SMG1: variants seen among roughly 807,000 people sequenced by gnomAD.
The protein encoded by SMG1 is SMG1 nonsense mediated mRNA decay associated PI3K related kinase.
A neutral mutation model predicts 419.9 loss-of-function variants in SMG1; 22 were observed. The observed-to-expected ratio is 0.05, with a 90% CI of 0.04 to 0.07. The LOEUF (loss-of-function observed/expected upper bound fraction) is 0.07. Ranked by LOEUF, SMG1 falls within the 10% of genes least tolerant of loss-of-function variation. The pLI, the probability that SMG1 is intolerant of heterozygous loss-of-function variation, is 1.00. For synonymous variants in SMG1, 1,538 were observed against 1,553.5 expected, an observed-to-expected ratio of 0.99 and a Z score of 0.23; for missense variants, 3,185 against 4,342.0, an observed-to-expected ratio of 0.73 and a Z score of 7.49.
Position 18,879,544 on chromosome 16 carries a change from T to G in SMG1, c.1469A>C (p.Gln490Pro), listed in dbSNP as rs1364632166. The G allele has an allele frequency of 4.1e-6, 5 of 1,206,966 alleles. No individual in the cohort carries two copies. The South Asian group carries it at 6.5e-5, about 16-fold the overall frequency. The allele number at this position is 1,206,966 out of a possible 1,614,324, so 74.8% of individuals were successfully genotyped here. ...GATGATATAATCGGTACCACAAGTCTGGCAATTCTCCAGTTGGTCTAATCC... is the reference window on the plus strand; with the variant it reads ...GATGATATAATCGGTACCACAAGTCGGGCAATTCTCCAGTTGGTCTAATCC... Reference protein sequence around the residue: ...TYGLDQLENCQTCGTDYIISV... With the variant: ...TYGLDQLENCPTCGTDYIISV... The change falls in exon 11 of 63, where the codon CAG (glutamine) becomes CCG (proline). Residue 490 changes from glutamine to proline, a missense_variant. Gln to Pro is a moderately conservative substitution (Grantham distance 76). This residue lies in a region of SMG1 where 297 missense variants were observed against 491.0 expected (regional missense o/e 0.60). Transcript: ENST00000446231.
chr16:18,838,676 G>T lies in SMG1; in HGVS notation c.6959C>A (p.Ser2320Tyr). The T allele has an allele frequency of 6.2e-7, 1 of 1,602,302 alleles. No homozygotes were observed. Among genetic ancestry groups the T allele is most frequent in the Non-Finnish European group, 8.5e-7 (1 of 1,174,758 alleles). Residue 2320 changes from serine (S) to tyrosine (Y), a missense_variant, in exon 43 of 63, where the codon TCT becomes TAT. Ser to Tyr is a moderately radical substitution (Grantham distance 144). Around this residue, in one of 27 missense-constraint regions of SMG1, gnomAD observed 132 missense variants for 151.0 expected, o/e 0.87. Coordinates refer to ENST00000446231, the MANE Select transcript of SMG1 (RefSeq NM_015092.5). ...WWRVTQSYAR[S>Y]TAVMSMVGYI... ...TCCAACCATAGACATGACTGCAGTA[G>T]ATCTTGCATAAGACTAAAGGAAAGG...
At chr16:18,918,660 T>G (rs2038070602) in intron 1 of SMG1, among the ~76,000 whole-genome samples, 1 of 152,162 alleles carries the variant, frequency 6.6e-6, no homozygotes, top group Non-Finnish European at 1.5e-5. Context: ...GCGATTCTCC[T>G]GCCTCAGCCT....
chr16:18,804,865 T>G lies in SMG1; in HGVS notation c.*4704A>C, dbSNP rs1451509655. 2 of 152,690 alleles carry G rather than the reference T, an allele frequency of 1.3e-5. No individual in the cohort carries two copies. Among genetic ancestry groups the G allele is most frequent in the African/African-American group, 4.8e-5 (2 of 41,472 alleles). The allele number at this position is 152,690 out of a possible 1,614,324, so 9.5% of individuals were successfully genotyped here. A position where few individuals can be genotyped will look rare whatever the true frequency, so the allele number is the denominator to read the frequency against. ...TTCAGAACTTAAATGCTGTATCTTT[T>G]GAGACTGAACCTTTATTTTCTGAAA... is the stretch of plus-strand genomic sequence containing the variant. On this transcript the variant is annotated 3_prime_UTR_variant, in exon 63 of 63. Coordinates refer to ENST00000446231, the MANE Select transcript of SMG1 (RefSeq NM_015092.5).
Position 18,819,580 on chromosome 16 carries a change from G to T in SMG1, c.9816C>A (p.Ala3272=). 6.3e-7 allele frequency: 1 copy of T among 1,599,062 alleles called. No individual in the cohort carries two copies. The highest frequency in any genetic ancestry group is 8.5e-7 in the Non-Finnish European group (1 of 1,172,294). ...TTGCTTCAAAATCTTGTAGTACAGG[G>T]GCCAATGCAGGGTTGGCACCACCTG... ...KWAGGANPAL[A]PVLQDFEATI... The change falls in exon 56 of 63, where the codon GCC becomes GCA. Residue 3272 remains alanine (A), a synonymous_variant. Transcript: ENST00000446231.
chr16:18,915,138 A>C (rs1401454934), intron 1 of SMG1, among the ~76,000 whole-genome samples: 1 of 151,844 alleles, frequency 6.6e-6, no homozygotes, highest in African/African-American at 2.4e-5. Flanking sequence ...TGCCCAGCTA[A>C]TTTTTGTATA....
Position 18,809,496 on chromosome 16 carries a change from G to T in SMG1, c.*73C>A. The stretch of plus-strand genomic sequence containing the variant: ...TCACCACCGACTGTGGTGTGGCTTT[G>T]GATGCCTGAGGCTGAGTTGATTCTG... On this transcript the variant is annotated 3_prime_UTR_variant, in exon 63 of 63. Coordinates refer to ENST00000446231, the MANE Select transcript of SMG1 (RefSeq NM_015092.5). 1.7e-6 allele frequency: 2 copies of T among 1,172,374 alleles called. No individual in the cohort carries two copies. Among genetic ancestry groups the T allele is most frequent in the Non-Finnish European group, 2.5e-6 (2 of 795,598 alleles). The allele number at this position is 1,172,374 out of a possible 1,614,324, so 72.6% of individuals were successfully genotyped here.
intron 6 of SMG1, among the ~76,000 whole-genome samples, chr16:18,886,288 A>T (rs1347289033): frequency 6.6e-6 from 1 of 152,214 alleles, no homozygotes; most frequent in African/African-American, 2.4e-5. Flanking sequence ...AAAATTAAAG[A>T]AGATCAGTAT....
intron 25 of SMG1, among the ~76,000 whole-genome samples, chr16:18,862,193 G>T (rs2035253370): frequency 6.6e-6 from 1 of 152,022 alleles, no homozygotes; most frequent in South Asian, 2.1e-4. Flanking sequence ...AATCCCTAGA[G>T]CATCTGACAA....
chr16:18,906,562 C>T (rs2037571534), intron 1 of SMG1, among the ~76,000 whole-genome samples: 2 of 152,128 alleles, frequency 1.3e-5, no homozygotes, highest in South Asian at 4.1e-4. Context: ...CATCTACTTC[C>T]ACCTTACTGT....
rs1361251215 is a variant in SMG1 at position 18,805,705 on chromosome 16, C to T, written c.*3864G>A. 1 of 152,164 alleles carries T rather than the reference C, an allele frequency of 6.6e-6. No homozygotes were observed. The highest frequency in any genetic ancestry group is 2.4e-5 in the African/African-American group (1 of 41,448). The allele number at this position is 152,164 out of a possible 1,614,324, so 9.4% of individuals were successfully genotyped here. A position where few individuals can be genotyped will look rare whatever the true frequency, so the allele number is the denominator to read the frequency against. Reference sequence around the variant, plus strand: ...ACCCAAATATTGAAAACAAAATCTACCTTCTTTAACCCTTGTATTAGTAAT... The same window carrying T: ...ACCCAAATATTGAAAACAAAATCTATCTTCTTTAACCCTTGTATTAGTAAT... On this transcript the variant is annotated 3_prime_UTR_variant, in exon 63 of 63. Transcript: ENST00000446231.
chr16:18,896,657 A>C lies in SMG1; in HGVS notation c.256+136T>G, dbSNP rs920360127. 1.3e-5 allele frequency: 8 copies of C among 617,960 alleles called. No homozygotes were observed. In the African/African-American group the frequency reaches 1.5e-4, roughly 12 times the overall value. 38.3% of individuals were successfully genotyped at this position (617,960 alleles called of 1,614,324 possible). A position where few individuals can be genotyped will look rare whatever the true frequency, so the allele number is the denominator to read the frequency against. On this transcript the variant is annotated intron_variant, in intron 2 of 62. Transcript: ENST00000446231. ...TGGATAAATGTCCTATGAGGTTTTC[A>C]GAAATAACACTGCATTTGTTATTCA...
chr16:18,920,104 G>A (rs1596667580), intron 1 of SMG1, among the ~76,000 whole-genome samples: 2 of 151,030 alleles, frequency 1.3e-5, no homozygotes, highest in South Asian at 2.1e-4. Flanking sequence ...AAAAAAGGCC[G>A]GGTGCAGTGG....
chr16:18,884,534 C>T (rs1385238507), intron 8 of SMG1, among the ~76,000 whole-genome samples: 3 of 152,158 alleles, frequency 2.0e-5, no homozygotes, highest in Non-Finnish European at 4.4e-5. Context: ...TACTCATCTC[C>T]TCAGTGAAAA....
At chr16:18,920,331 G>A (rs981474749) in intron 1 of SMG1, among the ~76,000 whole-genome samples, 23 of 147,518 alleles carry the variant, frequency 1.6e-4, no homozygotes, top group Non-Finnish European at 2.7e-4. Context: ...GCAGTGAGCC[G>A]AGATTGCACC....
At position 18,814,029 on chromosome 16, in the gene SMG1, C is replaced by CAA. The variant is rs34998351; in HGVS notation, c.10621+1144_10621+1145dup. Among the ~76,000 whole-genome samples the CAA allele has an allele frequency of 3.4e-3, 206 of 60,120 alleles. 9 individuals are homozygous for CAA. Among genetic ancestry groups the CAA allele is most frequent in the African/African-American group, 0.011 (158 of 13,826 alleles). The allele number at this position is 60,120 out of a possible 152,430, so 39.4% of individuals were successfully genotyped here. On this transcript the variant is annotated intron_variant, in intron 60 of 62. Coordinates refer to ENST00000446231, the MANE Select transcript of SMG1 (RefSeq NM_015092.5). ...CTGGGCGACTGAGTGAGACTCATCT[C>CAA]AAAAAAAAAAAAAAAAATTAAATTA...
Position 18,852,425 on chromosome 16 carries a change from T to A in SMG1, c.4806A>T (p.Gly1602=). 6.2e-7 allele frequency: 1 copy of A among 1,601,902 alleles called. No homozygotes were observed. The highest frequency in any genetic ancestry group is 1.3e-5 in the African/African-American group (1 of 74,624). ...GTACTGAAGACAGGTGATACAACTG[T>A]CCCAAAATGAAGTCAGGTTCTCCAA... ...IGVGEPDFIL[G]QLYHLSSVQA... Residue 1602 remains glycine (G), a synonymous_variant, in exon 32 of 63, where the codon GGA becomes GGT. Coordinates refer to ENST00000446231, the MANE Select transcript of SMG1 (RefSeq NM_015092.5).
Position 18,926,156 on chromosome 16 carries a change from AAGGAGG to A in SMG1, c.-121_-116del, listed in dbSNP as rs367683864. ...GCCCGGGGCTGAGGAGGAAGCCGAGAAGGAGGAGGAGGAGGAGGAGGAGGAGAAGGA... is the reference window on the plus strand; with the variant it reads ...GCCCGGGGCTGAGGAGGAAGCCGAGAAGGAGGAGGAGGAGGAGGAGAAGGA... On this transcript the variant is annotated 5_prime_UTR_variant, in exon 1 of 63. Transcript: ENST00000446231. 2,543 of 663,382 alleles carry A rather than the reference AAGGAGG, an allele frequency of 3.8e-3. 32 individuals carry two copies. The highest frequency in any genetic ancestry group is 0.03 in the African/African-American group (1,537 of 51,410). The allele number at this position is 663,382 out of a possible 1,614,324, so 41.1% of individuals were successfully genotyped here.
At chr16:18,878,606 C>CAAAAAA (rs35169039) in intron 11 of SMG1, 1 of 98,596 alleles carries the variant, frequency 1.0e-5, no homozygotes, top group Non-Finnish European at 2.2e-5. Context: ...GATCCTGTGA[C>CAAAAAA]AAAAAAAAAA....
chr16:18,836,913 A>G (rs2033615449), intron 46 of SMG1, among the ~76,000 whole-genome samples: 2 of 152,214 alleles, frequency 1.3e-5, no homozygotes, highest in Non-Finnish European at 1.5e-5. Flanking sequence ...TTAGTGAGGT[A>G]GATGAAGTAG....
Sources: allele counts gnomAD v4.1 joint callset (sites outside exome capture counted in the v4.1 genomes callset), GRCh38; gene constraint gnomAD v4.1.1; regional missense constraint gnomAD v4.1.1; transcripts MANE v1.5; gene names NCBI Gene and HGNC (gene_info 2026-07-23, HGNC 2026-07-21).